The following CNBD1 variants were observed in gnomAD, a reference collection of about 807,000 sequenced individuals.
CNBD1 encodes the protein cyclic nucleotide-binding domain-containing protein 1.
Under a neutral mutation model 54.4 loss-of-function variants are expected in CNBD1, and 71 were observed. The observed-to-expected ratio is 1.30, with a 90% confidence interval of 1.08 to 1.59. The LOEUF (loss-of-function observed/expected upper bound fraction) is 1.59. Among genes scored for constraint, CNBD1 ranks in the 40% most tolerant of loss-of-function variants. The pLI, the probability that CNBD1 is intolerant of heterozygous loss-of-function variation, is 0.00. For synonymous variants in CNBD1, 182 were observed against 170.7 expected, an observed-to-expected ratio of 1.07 and a Z score of -0.51; for missense variants, 659 against 518.0, an observed-to-expected ratio of 1.27 and a Z score of -2.64.
At chr8:87,167,470 T>G (rs1586302483) in intron 4 of CNBD1, among the ~76,000 whole-genome samples, 1 of 151,966 alleles carries the variant, frequency 6.6e-6, no homozygotes, top group African/African-American at 2.4e-5. Flanking sequence ...GTTGTTGTTT[T>G]GTTTTTAGAT....
intron 2 of CNBD1, among the ~76,000 whole-genome samples, chr8:86,899,168 G>A (rs1808894768): frequency 6.6e-6 from 1 of 152,138 alleles, no homozygotes; most frequent in South Asian, 2.1e-4. Context: ...AGGGGCAAGG[G>A]TGAAGGGAGG....
chr8:87,081,975 A>G (rs1811004006), intron 4 of CNBD1, among the ~76,000 whole-genome samples: 1 of 152,062 alleles, frequency 6.6e-6, no homozygotes, highest in Non-Finnish European at 1.5e-5. Flanking sequence ...TGCTTCGTGC[A>G]TTTTAAAACT....
chr8:87,386,893 A>C (rs1046627211), downstream of CNBD1, among the ~76,000 whole-genome samples: 3 of 152,254 alleles, frequency 2.0e-5, no homozygotes, highest in East Asian at 5.8e-4. Context: ...AGCCCATGAG[A>C]CTAACAGCTG....
chr8:87,070,034 ACT>A (rs1340910840), intron 4 of CNBD1, among the ~76,000 whole-genome samples: 1 of 151,990 alleles, frequency 6.6e-6, no homozygotes, highest in African/African-American at 2.4e-5. Flanking sequence ...ATAATCCTCC[ACT>A]CTCATGTCAG....
intron 4 of CNBD1, among the ~76,000 whole-genome samples, chr8:87,142,920 G>GA (rs1812400652): frequency 1.3e-5 from 2 of 152,028 alleles, no homozygotes; most frequent in Non-Finnish European, 2.9e-5. Flanking sequence ...GTTTCTGTTA[G>GA]GTAGCAGACA....
intron 4 of CNBD1, among the ~76,000 whole-genome samples, chr8:87,164,021 G>A (rs925181123): frequency 6.6e-6 from 1 of 151,738 alleles, no homozygotes; most frequent in East Asian, 1.9e-4. Flanking sequence ...GCCTAGTTTT[G>A]TAAAACGCTT....
At chr8:87,413,660 C>T in intron 2 of CNBD1, among the ~76,000 whole-genome samples, 1 of 151,830 alleles carries the variant, frequency 6.6e-6, no homozygotes, top group Non-Finnish European at 1.5e-5. Flanking sequence ...ACAATGAACT[C>T]AAACAAATTT....
intron 2 of CNBD1, among the ~76,000 whole-genome samples, chr8:86,887,876 A>G (rs182026437): frequency 2.1e-3 from 317 of 152,250 alleles, no homozygotes; most frequent in Non-Finnish European, 2.4e-3. Context: ...AGCAGTCATA[A>G]GGGGAAAAAG....
At chr8:87,090,634 C>T (rs1207673543) in intron 4 of CNBD1, among the ~76,000 whole-genome samples, 1 of 152,034 alleles carries the variant, frequency 6.6e-6, no homozygotes, top group African/African-American at 2.4e-5. Flanking sequence ...TGAATGAACT[C>T]GTGTAATAAA....
chr8:87,219,884 G>A (rs1814292352), intron 5 of CNBD1, among the ~76,000 whole-genome samples: 1 of 151,682 alleles, frequency 6.6e-6, no homozygotes, highest in Admixed American at 6.6e-5. Flanking sequence ...TGACTCATTA[G>A]TATCTTAATA....
chr8:87,369,173 CT>C lies in CNBD1; in HGVS notation c.1304-13445del, dbSNP rs376497282. On this transcript the variant is annotated intron_variant, in intron 10 of 10. Coordinates refer to ENST00000518476, the MANE Select transcript of CNBD1 (RefSeq NM_173538.3). ...TGGCTAAATGATATTTAATAATGGC[CT>C]TCAATGTTCACATGTATTTAGGAAG... 2.0e-4 allele frequency among the ~76,000 whole-genome samples: 31 copies of C among 151,944 alleles called. No homozygotes were observed. The East Asian group carries it at 5.3e-3, about 26-fold the overall frequency.
chr8:87,353,576 A>G (rs1309672364), intron 9 of CNBD1, 60 bp from the exon 10 acceptor site: 8 of 1,109,260 alleles, frequency 7.2e-6, no homozygotes, highest in Non-Finnish European at 1.1e-5. Flanking sequence ...GATAAAAACA[A>G]TACTGATTCA....
chr8:87,388,232 A>T, intron 2 of CNBD1, among the ~76,000 whole-genome samples: 1 of 152,188 alleles, frequency 6.6e-6, no homozygotes, highest in Non-Finnish European at 1.5e-5. Context: ...AAGGTAGCAG[A>T]AGGCAAGAAA....
At chr8:87,190,866 AATAG>A (rs1813588013) in intron 4 of CNBD1, among the ~76,000 whole-genome samples, 1 of 58,452 alleles carries the variant, frequency 1.7e-5, no homozygotes, top group Non-Finnish European at 4.3e-5. Context: ...CCTATATCTA[AATAG>A]ATATAGATAC....
chr8:87,117,055 A>C (rs1729266447), intron 4 of CNBD1, among the ~76,000 whole-genome samples: 1 of 152,168 alleles, frequency 6.6e-6, no homozygotes, highest in Non-Finnish European at 1.5e-5. Flanking sequence ...CGAAATAAAT[A>C]GCTTTGAATG....
intron 6 of CNBD1, among the ~76,000 whole-genome samples, chr8:87,237,752 G>T (rs1002671248): frequency 6.6e-6 from 1 of 151,992 alleles, no homozygotes; most frequent in South Asian, 2.1e-4. Context: ...AAGAGTCAAA[G>T]AACCAATTAA....
intron 8 of CNBD1, among the ~76,000 whole-genome samples, chr8:87,332,430 C>T (rs528227078): frequency 2.4e-4 from 37 of 151,516 alleles, no homozygotes; most frequent in Non-Finnish European, 3.5e-4. Flanking sequence ...TTGCTTTTAG[C>T]GATTTCATAA....
chr8:87,220,505 T>G (rs1228262786), intron 5 of CNBD1, among the ~76,000 whole-genome samples: 1 of 151,798 alleles, frequency 6.6e-6, no homozygotes. Context: ...CCAAGTTTTT[T>G]TTTTTTTTTT....
chr8:87,060,110 C>T (rs1166017483), intron 4 of CNBD1, among the ~76,000 whole-genome samples: 1 of 152,190 alleles, frequency 6.6e-6, no homozygotes, highest in Non-Finnish European at 1.5e-5. Flanking sequence ...GTTTTGCTGA[C>T]AACTTGAATG....
Sources: allele counts gnomAD v4.1 joint callset (sites outside exome capture counted in the v4.1 genomes callset), GRCh38; gene constraint gnomAD v4.1.1; transcripts MANE v1.5; gene names NCBI Gene and HGNC (gene_info 2026-07-23, HGNC 2026-07-21).